The following CD63 variants were observed in gnomAD, a reference collection of about 807,000 sequenced individuals.
CD63 encodes CD63 molecule.
A neutral mutation model predicts 29.2 loss-of-function variants in CD63; 16 were observed. The ratio of observed to expected loss-of-function variants is 0.55; its 90% CI spans 0.37 to 0.83. CD63 has a LOEUF of 0.83. CD63 is among the 40% of genes least tolerant of loss of function. CD63 has a pLI of 0.00. For missense variants in CD63, 251 were observed against 297.3 expected (o/e 0.84, Z 1.15); for synonymous variants, 118 against 111.7 (o/e 1.06, Z -0.36).
At chr12:55,727,094 G>A (rs1037925991) in intron 3 of CD63, 57 bp downstream of exon 3, 21 of 1,317,692 alleles carry the variant, frequency 1.6e-5, no homozygotes, top group Admixed American at 1.4e-4. Context: ...TCCTGAGCCC[G>A]AACCAAGCTG....
In CD63 at chr12:55,728,460, G is replaced by A. The variant is rs188177850; in HGVS notation, c.-11-108C>T. The A allele has an allele frequency of 1.1e-3, 1,590 of 1,509,514 alleles. No homozygotes were observed. Among genetic ancestry groups the A allele is most frequent in the Non-Finnish European group, 1.3e-3 (1,471 of 1,128,770 alleles). The allele number at this position is 1,509,514 out of a possible 1,614,324, so 93.5% of individuals were successfully genotyped here. A position where few individuals can be genotyped will look rare whatever the true frequency, so the allele number is the denominator to read the frequency against. On this transcript the variant is annotated intron_variant, in intron 1 of 7. Coordinates refer to ENST00000257857, the MANE Select transcript of CD63 (RefSeq NM_001780.6). The surrounding 1 kb of genome is among the most constrained non-coding windows in gnomAD (Gnocchi z 4.8). ...CTTCCCTTCACGGCCCCGATTCCCG[G>A]CCCCTCCCACCCGGAAACCCGCGGT...
Position 55,725,805 on chromosome 12 carries a change from TCTCTTAC to T in CD63, c.651+1_651+7del, listed in dbSNP as rs1194502098. 1.2e-6 allele frequency: 2 copies of T among 1,613,478 alleles called. No homozygotes were observed. Among genetic ancestry groups the T allele is most frequent in the Non-Finnish European group, 1.7e-6 (2 of 1,179,474 alleles). The stretch of plus-strand genomic sequence containing the variant: ...GAGTCCCAGCCCCTGCTCAGGGTTA[TCTCTTAC>T]CTCGACAAAAGCAATTCCAAGGGCT... On this transcript the variant is annotated splice_donor_variant and splice_donor_5th_base_variant and intron_variant, in intron 7 of 7. Coordinates refer to ENST00000257857, the MANE Select transcript of CD63 (RefSeq NM_001780.6). LOFTEE classifies it high-confidence loss of function.
In CD63 at chr12:55,728,778, C is replaced by CCAG. The variant is rs1877709718; in HGVS notation, c.-12+172_-12+174dup. 1.0e-6 allele frequency: 1 copy of CCAG among 989,386 alleles called. No individual in the cohort carries two copies. The highest frequency in any genetic ancestry group is 1.1e-4 in the East Asian group (1 of 8,920). The allele number at this position is 989,386 out of a possible 1,614,324, so 61.3% of individuals were successfully genotyped here. ...CCCACCAAAAAAAAAAAAAGTGCAG[C>CCAG]CAGCACCCCCGCCACACCCTGCCCG... On this transcript the variant is annotated intron_variant, in intron 1 of 7. Coordinates refer to ENST00000257857, the MANE Select transcript of CD63 (RefSeq NM_001780.6). This position sits in a 1 kb window ranked among gnomAD's most constrained non-coding sequence, Gnocchi z 4.8.
chr12:55,724,022 C>T (rs1396398592), downstream of CD63: 3 of 1,612,374 alleles, frequency 1.9e-6, no homozygotes, highest in Non-Finnish European at 2.5e-6. Flanking sequence ...CACACAGGCC[C>T]ACTATGGGGG....
In CD63 at chr12:55,728,050, AT is replaced by A. The variant is rs1348756680; in HGVS notation, c.66+225del. 2.4e-6 allele frequency: 2 copies of A among 816,330 alleles called. No individual in the cohort carries two copies. The highest frequency in any genetic ancestry group is 3.5e-5 in the African/African-American group (2 of 57,026). 50.6% of individuals were successfully genotyped at this position (816,330 alleles called of 1,614,324 possible). The stretch of plus-strand genomic sequence containing the variant: ...CACCAGACAGGAAGGGCCAGGAGGG[AT>A]GGGGGTAGGGGTTGCTGCACACCCA... On this transcript the variant is annotated intron_variant, in intron 2 of 7. Transcript: ENST00000257857. The surrounding 1 kb of genome is among the most constrained non-coding windows in gnomAD (Gnocchi z 4.8).
chr12:55,727,484 G>C, intron 2 of CD63, 145 bp from the exon 3 acceptor site: 1 of 1,191,338 alleles, frequency 8.4e-7, no homozygotes, highest in Non-Finnish European at 1.1e-6. Context: ...TTTGGCTGTG[G>C]GGTAGGGGGA....
At chr12:55,723,584 T>A (rs1361244310), downstream of CD63, 1 of 378,408 alleles carries the variant, frequency 2.6e-6, no homozygotes, top group African/African-American at 2.1e-5. Context: ...CATTGTAAAC[T>A]GTTATATAAG....
rs755413075 is a variant in CD63, at chr12:55,726,925, C to A, written c.295G>T (p.Ala99Ser). 1.2e-6 allele frequency: 2 copies of A among 1,614,122 alleles called. No homozygotes were observed. Among genetic ancestry groups the A allele is most frequent in the South Asian group, 2.2e-5 (2 of 91,074 alleles). ...FLSLIMLVEVAAAIAGYVFRD... is the reference protein window; with the variant it reads ...FLSLIMLVEVSAAIAGYVFRD... ...AACACATAGCCAGCAATGGCTGCGG[C>A]CACCTCCACCAACATGATAAGAGAC... Residue 99 changes from alanine (A) to serine (S), a missense_variant, in exon 4 of 8, where the codon GCC (alanine) becomes TCC (serine). By Grantham distance (99) the Ala-to-Ser change is moderately conservative. Coordinates refer to ENST00000257857, the MANE Select transcript of CD63 (RefSeq NM_001780.6).
rs765203637 is a variant in CD63, at chr12:55,726,104, C to G, written c.567+17G>C. Reference sequence around the variant, plus strand: ...TTTCCCAGGTTTCCCAAGTCCCATACACAGTCTCCTCCCTACCTCCTTATG... The same window carrying G: ...TTTCCCAGGTTTCCCAAGTCCCATAGACAGTCTCCTCCCTACCTCCTTATG... On this transcript the variant is annotated intron_variant, in intron 6 of 7. Coordinates refer to ENST00000257857, the MANE Select transcript of CD63 (RefSeq NM_001780.6). 2.5e-6 allele frequency: 4 copies of G among 1,613,720 alleles called. No individual in the cohort carries two copies.
rs1173768862 is a variant in CD63 at position 55,727,229 on chromosome 12, T to A, written c.177A>T (p.Ala59=). Residue 59 remains alanine, a synonymous_variant, in exon 3 of 8, where the codon GCA becomes GCT. Transcript: ENST00000257857. The stretch of plus-strand genomic sequence containing the variant: ...CCACCAGGAAGAGGAAGACACCCAC[T>A]GCGATGATGACCACTGGCAACAGAG... ...PGSLLPVVII[A]VGVFLFLVAF... 6.2e-7 allele frequency: 1 copy of A among 1,613,800 alleles called. No individual in the cohort carries two copies. Among genetic ancestry groups the A allele is most frequent in the Non-Finnish European group, 8.5e-7 (1 of 1,179,974 alleles).
At chr12:55,727,015 GC>G (rs1565658904) in intron 3 of CD63, 51 bp from the exon 4 acceptor site, 2 of 1,585,010 alleles carry the variant, frequency 1.3e-6, no homozygotes, top group South Asian at 2.2e-5. Context: ...CATTACAGGG[GC>G]CCGTTTTGGC....
At position 55,728,499 on chromosome 12, in the gene CD63, C is replaced by G; in HGVS notation, c.-11-147G>C. 6.8e-7 allele frequency: 1 copy of G among 1,475,288 alleles called. No homozygotes were observed. Among genetic ancestry groups the G allele is most frequent in the East Asian group, 2.5e-5 (1 of 40,328 alleles). 91.4% of individuals were successfully genotyped at this position (1,475,288 alleles called of 1,614,324 possible). On this transcript the variant is annotated intron_variant, in intron 1 of 7. Transcript: ENST00000257857. This position sits in a 1 kb window ranked among gnomAD's most constrained non-coding sequence, Gnocchi z 4.8. ...GAAACCCGCGGTCGGATCCACGTCT[C>G]CCAGCCCCCTCTTTACCCGCAGGAG...
chr12:55,728,403 C>T lies in CD63; in HGVS notation c.-11-51G>A, dbSNP rs1375321377. 107 of 1,565,772 alleles carry T rather than the reference C, an allele frequency of 6.8e-5. 1 individual carries two copies. The South Asian group carries it at 1.2e-3, about 17-fold the overall frequency. On this transcript the variant is annotated intron_variant, in intron 1 of 7. Transcript: ENST00000257857. This position sits in a 1 kb window ranked among gnomAD's most constrained non-coding sequence, Gnocchi z 4.8. ...ATTAAAACTGGCCGAAGGGGGACCT[C>T]GGTTTCCGGGCTCCCGGCCGGCCCT...
At chr12:55,729,803 A>T (rs924192381), upstream of CD63, 7 of 152,376 alleles carry the variant, frequency 4.6e-5, no homozygotes, top group Admixed American at 2.6e-4. Flanking sequence ...CAGCTCCTGC[A>T]TCCGTCTGTG....
chr12:55,724,006 T>G (rs746404474), downstream of CD63: 3 of 1,612,850 alleles, frequency 1.9e-6, no homozygotes, highest in East Asian at 6.7e-5. Flanking sequence ...CACGGCTGCC[T>G]CCTGCCACAC....
chr12:55,729,641 C>T (rs896576704), upstream of CD63: 1 of 152,224 alleles, frequency 6.6e-6, no homozygotes, highest in African/African-American at 2.4e-5. Flanking sequence ...CCTCTATTAG[C>T]ACAGCTTCTC....
downstream of CD63, chr12:55,724,401 C>T (rs1010806559): frequency 6.2e-6 from 10 of 1,614,062 alleles, no homozygotes; most frequent in East Asian, 2.0e-4. Flanking sequence ...TGGAGCATGC[C>T]CTGACTGCTC....
In CD63 at chr12:55,728,555, A is replaced by G; in HGVS notation, c.-11-203T>C. ...TGGGGGCGACGGCCGCGAAGCCCGGACCCCGCCCCGCCGCCTCTGGGGCCC... is the reference window on the plus strand; with the variant it reads ...TGGGGGCGACGGCCGCGAAGCCCGGGCCCCGCCCCGCCGCCTCTGGGGCCC... On this transcript the variant is annotated intron_variant, in intron 1 of 7. Transcript: ENST00000257857. This position sits in a 1 kb window ranked among gnomAD's most constrained non-coding sequence, Gnocchi z 4.8. 1 of 1,424,450 alleles carries G rather than the reference A, an allele frequency of 7.0e-7. No homozygotes were observed. The highest frequency in any genetic ancestry group is 2.6e-5 in the East Asian group (1 of 39,036). 88.2% of individuals were successfully genotyped at this position (1,424,450 alleles called of 1,614,324 possible). A position where few individuals can be genotyped will look rare whatever the true frequency, so the allele number is the denominator to read the frequency against.
chr12:55,728,427 C>T lies in CD63; in HGVS notation c.-11-75G>A, dbSNP rs1877659760. 1 of 1,543,858 alleles carries T rather than the reference C, an allele frequency of 6.5e-7. No homozygotes were observed. The highest frequency in any genetic ancestry group is 1.4e-5 in the African/African-American group (1 of 73,452). The stretch of plus-strand genomic sequence containing the variant: ...TCGGTTTCCGGGCTCCCGGCCGGCC[C>T]TCGAGGGCTTCCCTTCACGGCCCCG... On this transcript the variant is annotated intron_variant, in intron 1 of 7. Transcript: ENST00000257857. This position sits in a 1 kb window ranked among gnomAD's most constrained non-coding sequence, Gnocchi z 4.8.
Sources: gnomAD v4.1 joint callset for allele counts on GRCh38, gnomAD v4.1.1 for gene constraint, Gnocchi (gnomAD v3.1) non-coding constraint, MANE v1.5 for transcripts, NCBI Gene and HGNC (gene_info 2026-07-23, HGNC 2026-07-21) for gene names.